Variants in ACYP2 observed in about 807,000 individuals in gnomAD.
The protein encoded by ACYP2 is acylphosphatase 2.
Under a neutral mutation model 11.2 loss-of-function variants are expected in ACYP2, and 12 were observed. The ratio of observed to expected loss-of-function variants is 1.08; its 90% CI spans 0.69 to 1.74. The LOEUF (loss-of-function observed/expected upper bound fraction) is 1.74. Ranked by LOEUF, ACYP2 falls within the 40% of genes most tolerant of loss-of-function variation. The pLI is 0.00. For missense variants in ACYP2, 134 were observed against 101.9 expected (o/e 1.31, Z -1.35); for synonymous variants, 43 against 32.2 (o/e 1.33, Z -1.13).
chr2:54,231,315 ACTCTTTTCGTCAATATTATGAAATGTGT>A (rs1229353995), intron 6 of ACYP2, among the ~76,000 whole-genome samples: 1 of 152,142 alleles, frequency 6.6e-6, no homozygotes, highest in Admixed American at 6.5e-5. Context: ...ACAGAGTTTG[ACTCTTTTCGTCAATATTATGAAATGTGT>A]CTGAGATACA....
chr2:54,026,139 C>G (rs534100357), intron 2 of ACYP2, among the ~76,000 whole-genome samples: 1 of 152,130 alleles, frequency 6.6e-6, no homozygotes, highest in East Asian at 1.9e-4. Context: ...AACAGATAGA[C>G]AATCCACAGT....
At chr2:54,052,480 T>A (rs926766729) in intron 3 of ACYP2, among the ~76,000 whole-genome samples, 6 of 152,178 alleles carry the variant, frequency 3.9e-5, no homozygotes, top group African/African-American at 1.4e-4. Context: ...ATAAGTTATA[T>A]ATGGGAATTG....
intron 2 of ACYP2, among the ~76,000 whole-genome samples, chr2:54,016,375 C>G (rs543763833): frequency 6.6e-6 from 1 of 150,692 alleles, no homozygotes; most frequent in African/African-American, 2.4e-5. Context: ...TTTTTTAATT[C>G]AGAAGAGGCT....
intron 2 of ACYP2, among the ~76,000 whole-genome samples, chr2:54,017,507 A>T (rs946728084): frequency 6.6e-6 from 1 of 151,950 alleles, no homozygotes; most frequent in African/African-American, 2.4e-5. Flanking sequence ...TGCCCACCTC[A>T]GCCTCCCAAA....
intron 6 of ACYP2, among the ~76,000 whole-genome samples, chr2:54,216,833 A>T (rs1438488648): frequency 6.6e-6 from 1 of 152,202 alleles, no homozygotes; most frequent in Non-Finnish European, 1.5e-5. Context: ...TACTGCACTG[A>T]GGTCTAATCA....
At chr2:54,120,317 G>T (rs918301776) in intron 4 of ACYP2, among the ~76,000 whole-genome samples, 2 of 152,162 alleles carry the variant, frequency 1.3e-5, no homozygotes, top group Non-Finnish European at 2.9e-5. Context: ...TAGAGTGTTT[G>T]TAACTGTGGC....
intron 4 of ACYP2, among the ~76,000 whole-genome samples, chr2:54,102,001 G>A (rs190415997): frequency 3.3e-5 from 5 of 152,276 alleles, no homozygotes; most frequent in African/African-American, 1.2e-4. Context: ...TTTTGACTAT[G>A]TGTAATGTCA....
chr2:54,023,315 G>A (rs918869160), intron 2 of ACYP2, among the ~76,000 whole-genome samples: 3 of 152,112 alleles, frequency 2.0e-5, no homozygotes, highest in Non-Finnish European at 2.9e-5. Flanking sequence ...AACTTTATAA[G>A]AAATGTCACA....
intron 2 of ACYP2, among the ~76,000 whole-genome samples, chr2:54,027,743 G>A (rs765905867): frequency 2.6e-5 from 4 of 151,262 alleles, no homozygotes; most frequent in African/African-American, 4.9e-5. Flanking sequence ...ACTTTATTCA[G>A]ATTTCTTCAG....
At chr2:54,126,424 C>T (rs59403804) in intron 4 of ACYP2, among the ~76,000 whole-genome samples, 2,063 of 152,212 alleles carry the variant, frequency 0.014, 55 homozygotes, top group African/African-American at 0.047. Flanking sequence ...TGACGGATCA[C>T]CACTGTATAT....
intron 2 of ACYP2, among the ~76,000 whole-genome samples, chr2:54,030,394 C>G (rs1336083548): frequency 6.6e-6 from 1 of 152,198 alleles, no homozygotes; most frequent in Non-Finnish European, 1.5e-5. Flanking sequence ...ATGCAAGGCT[C>G]CTACTGACCA....
intron 2 of ACYP2, among the ~76,000 whole-genome samples, chr2:54,038,656 T>C (rs890750746): frequency 1.5e-5 from 2 of 129,084 alleles, no homozygotes; most frequent in South Asian, 2.6e-4. Flanking sequence ...ATTCATTCAA[T>C]AAATCTTTAT....
intron 2 of ACYP2, among the ~76,000 whole-genome samples, chr2:53,999,893 T>A (rs1006829574): frequency 4.6e-5 from 7 of 152,050 alleles, no homozygotes; most frequent in African/African-American, 9.7e-5. Flanking sequence ...TCCAAAGCAG[T>A]TAGTGTCTGA....
At chr2:54,005,631 G>A (rs972638596) in intron 2 of ACYP2, among the ~76,000 whole-genome samples, 6 of 152,132 alleles carry the variant, frequency 3.9e-5, no homozygotes, top group Admixed American at 6.6e-5. Context: ...CAGCCACTGC[G>A]CCCAGCCTGA....
At chr2:54,188,222 A>G (rs1194479660) in intron 6 of ACYP2, among the ~76,000 whole-genome samples, 4 of 152,204 alleles carry the variant, frequency 2.6e-5, no homozygotes, top group Non-Finnish European at 5.9e-5. Flanking sequence ...CAGTTCTAAT[A>G]GAGAGTGTGA....
chr2:54,057,994 C>T (rs1277034857), intron 4 of ACYP2, among the ~76,000 whole-genome samples: 1 of 152,188 alleles, frequency 6.6e-6, no homozygotes, highest in Non-Finnish European at 1.5e-5. Context: ...GGGATATTCA[C>T]TTATCACACA....
chr2:54,047,659 G>A (rs1421673090), intron 2 of ACYP2, among the ~76,000 whole-genome samples: 3 of 152,166 alleles, frequency 2.0e-5, no homozygotes, highest in Non-Finnish European at 4.4e-5. Flanking sequence ...CTTTTTGACT[G>A]AATACCCCCC....
intron 6 of ACYP2, chr2:54,267,178 T>C: frequency 9.7e-7 from 1 of 1,029,804 alleles, no homozygotes; most frequent in Non-Finnish European, 1.4e-6. Context: ...TATTCATGTA[T>C]TTTTTCATCA....
rs1684352497 is a variant in ACYP2 at position 54,194,122 on chromosome 2, T to A, written c.404+55374T>A. ...GGCACGATCTAGGCTCACTGCAACC[T>A]CTGTCTCCCAGGTTCAAGTGATTTC... is the stretch of plus-strand genomic sequence containing the variant. On this transcript the variant is annotated intron_variant, in intron 6 of 6. Transcript: ENST00000607452. Among the ~76,000 whole-genome samples, 2 of 152,126 alleles carry A rather than the reference T, an allele frequency of 1.3e-5. 1 individual carries two copies. Among genetic ancestry groups the A allele is most frequent in the South Asian group, 4.1e-4 (2 of 4,828 alleles).
Sources: gnomAD v4.1 joint callset for allele counts (sites outside exome capture counted in the v4.1 genomes callset) on GRCh38, gnomAD v4.1.1 for gene constraint, MANE v1.5 for transcripts, NCBI Gene and HGNC (gene_info 2026-07-23, HGNC 2026-07-21) for gene names.